Variants in MRPL1 observed in about 807,000 individuals in gnomAD.
The protein encoded by MRPL1 is large ribosomal subunit protein uL1m.
Under a neutral mutation model 38.0 loss-of-function variants are expected in MRPL1, and 28 were observed. The ratio of observed to expected loss-of-function variants is 0.74; its 90% CI spans 0.55 to 1.01. MRPL1 has a LOEUF of 1.01. Among genes scored for constraint, MRPL1 ranks in the 50% least tolerant of loss-of-function variants. The probability of loss-of-function intolerance (pLI) is 0.00; values close to 1 mark genes in which losing one functional copy is unlikely to be tolerated. For missense variants in MRPL1, 358 were observed against 389.8 expected (o/e 0.92, Z 0.69); for synonymous variants, 123 against 126.7 (o/e 0.97, Z 0.20).
chr4:77,870,993 A>G (rs1015555854), intron 1 of MRPL1, among the ~76,000 whole-genome samples: 4 of 152,172 alleles, frequency 2.6e-5, no homozygotes, highest in Non-Finnish European at 4.4e-5. Flanking sequence ...TTATTGTAAA[A>G]ATGAACAAAT....
intron 7 of MRPL1, among the ~76,000 whole-genome samples, chr4:77,948,299 G>A (rs1023436224): frequency 2.0e-5 from 3 of 152,098 alleles, no homozygotes; most frequent in African/African-American, 7.2e-5. Flanking sequence ...GAATTAAGAG[G>A]GGAATTGAAG....
intron 5 of MRPL1, among the ~76,000 whole-genome samples, chr4:77,892,168 GT>G (rs1381483548): frequency 1.4e-5 from 2 of 146,888 alleles, no homozygotes; most frequent in Non-Finnish European, 3.0e-5. Flanking sequence ...TTTCGCTCTT[GT>G]TGCCCAGTGG....
chr4:77,949,817 G>C lies in MRPL1; in HGVS notation c.798G>C (p.Gln266His), dbSNP rs768308108. 5 of 1,609,680 alleles carry C rather than the reference G, an allele frequency of 3.1e-6. No individual in the cohort carries two copies. In the South Asian group the frequency reaches 5.5e-5, roughly 18 times the overall value. Residue 266 changes from glutamine (Q) to histidine (H), a missense_variant, in exon 8 of 9, where the codon CAG (glutamine) becomes CAC (histidine). Physicochemically the swap from Gln to His is conservative, Grantham distance 24. Transcript: ENST00000315567. ...KIATLDMSSD[Q>H]IAANLQAVIN... ...TTCAGTTGGATATGTCAAGTGACCA[G>C]ATAGCTGCCAATCTGCAAGCAGTTA... is the stretch of plus-strand genomic sequence containing the variant.
chr4:77,882,141 C>T (rs1735555993), intron 2 of MRPL1, among the ~76,000 whole-genome samples: 1 of 152,192 alleles, frequency 6.6e-6, no homozygotes, highest in South Asian at 2.1e-4. Flanking sequence ...ACATATGGCT[C>T]ACAAAGCTAA....
intron 7 of MRPL1, among the ~76,000 whole-genome samples, chr4:77,919,849 ATGTG>A (rs1553906969): frequency 6.7e-6 from 1 of 149,358 alleles, no homozygotes. Context: ...ATATATATAT[ATGTG>A]TGTGTGTGTG....
At chr4:77,943,744 T>C (rs1200811062) in intron 7 of MRPL1, among the ~76,000 whole-genome samples, 1 of 152,174 alleles carries the variant, frequency 6.6e-6, no homozygotes, top group Non-Finnish European at 1.5e-5. Flanking sequence ...TTATTTATGC[T>C]ATCTGGTTCA....
chr4:77,936,248 A>G (rs1371467865), intron 7 of MRPL1, among the ~76,000 whole-genome samples: 1 of 151,922 alleles, frequency 6.6e-6, no homozygotes, highest in Non-Finnish European at 1.5e-5. Context: ...ACACTTTCCC[A>G]TGTCATTAAA....
intron 2 of MRPL1, among the ~76,000 whole-genome samples, chr4:77,881,138 A>T (rs1735529157): frequency 2.0e-5 from 3 of 152,240 alleles, no homozygotes; most frequent in Admixed American, 2.0e-4. Flanking sequence ...AGTCACATGG[A>T]CAAATAAAGG....
At chr4:77,921,168 T>G (rs1736566697) in intron 7 of MRPL1, among the ~76,000 whole-genome samples, 1 of 152,214 alleles carries the variant, frequency 6.6e-6, no homozygotes, top group African/African-American at 2.4e-5. Context: ...TAACTCTCTG[T>G]CCCTTTATTA....
chr4:77,948,990 C>T, intron 7 of MRPL1, among the ~76,000 whole-genome samples: 1 of 152,144 alleles, frequency 6.6e-6, no homozygotes, highest in East Asian at 1.9e-4. Flanking sequence ...AGGCAGGTCT[C>T]AAACTCCTGA....
chr4:77,906,962 G>A (rs774433669), intron 6 of MRPL1: 2 of 984,798 alleles, frequency 2.0e-6, no homozygotes, highest in East Asian at 2.3e-4. Context: ...AACTGCCTAT[G>A]GGTAGTTGCT....
At chr4:77,871,876 AT>A in intron 2 of MRPL1, 21 bp downstream of exon 2, 1 of 1,448,296 alleles carries the variant, frequency 6.9e-7, no homozygotes, top group Non-Finnish European at 9.6e-7. Flanking sequence ...TTTTTTAGTT[AT>A]TATTTCATTT....
intron 1 of MRPL1, among the ~76,000 whole-genome samples, chr4:77,867,932 A>G (rs1315815669): frequency 1.3e-5 from 2 of 149,398 alleles, no homozygotes; most frequent in Non-Finnish European, 3.0e-5. Context: ...AATTTTTTGT[A>G]TTTTTAGTAG....
chr4:77,951,398 A>T (rs1737403992), intron 8 of MRPL1, among the ~76,000 whole-genome samples: 1 of 152,244 alleles, frequency 6.6e-6, no homozygotes. Context: ...GGAAGAGAGA[A>T]ATGAATTATT....
intron 1 of MRPL1, among the ~76,000 whole-genome samples, chr4:77,864,238 AT>A (rs1384490356): frequency 4.6e-5 from 7 of 152,040 alleles, no homozygotes; most frequent in Non-Finnish European, 8.8e-5. Context: ...TTCTTGTCAC[AT>A]TTTCTTCTCT....
At chr4:77,875,595 T>A (rs1352095425) in intron 2 of MRPL1, among the ~76,000 whole-genome samples, 2 of 151,572 alleles carry the variant, frequency 1.3e-5, no homozygotes, top group African/African-American at 2.4e-5. Context: ...GAGGTTGCAG[T>A]GAGCCAAGAT....
In MRPL1 at chr4:77,927,878, G is replaced by C. The variant is rs951062461; in HGVS notation, c.777+18506G>C. ...AAATCCAATCTAAGCTTGTTTTCTA[G>C]AGAGAAGAAAAGAGTAAGACAACTC... On this transcript the variant is annotated intron_variant, in intron 7 of 8. Transcript: ENST00000315567. Among the ~76,000 whole-genome samples the C allele has an allele frequency of 2.6e-5, 4 of 152,104 alleles. No individual in the cohort carries two copies. In the South Asian group the frequency reaches 8.3e-4, roughly 31 times the overall value.
At chr4:77,887,317 A>C (rs1735701752) in intron 5 of MRPL1, 26 bp downstream of exon 5, 1 of 1,533,504 alleles carries the variant, frequency 6.5e-7, no homozygotes, top group African/African-American at 1.4e-5. Context: ...CATGTTCATT[A>C]AGTATAGAGA....
intron 7 of MRPL1, among the ~76,000 whole-genome samples, chr4:77,932,357 T>G (rs1736867265): frequency 6.6e-6 from 1 of 152,098 alleles, no homozygotes; most frequent in African/African-American, 2.4e-5. Flanking sequence ...GGGCATTACT[T>G]CCCAACCACA....
Sources: gnomAD v4.1 joint callset for allele counts (sites outside exome capture counted in the v4.1 genomes callset) on GRCh38, gnomAD v4.1.1 for gene constraint, MANE v1.5 for transcripts, NCBI Gene and HGNC (gene_info 2026-07-23, HGNC 2026-07-21) for gene names.